Variants in OPCML observed in about 807,000 individuals in gnomAD.
OPCML encodes the protein opioid-binding protein/cell adhesion molecule.
OPCML carries 13 observed loss-of-function variants against 37.8 expected under a neutral mutation model. The observed-to-expected ratio is 0.34, with a 90% CI of 0.22 to 0.55. OPCML has a LOEUF of 0.55. Among genes scored for constraint, OPCML ranks in the 20% least tolerant of loss-of-function variants. The probability of loss-of-function intolerance (pLI) is 0.91; values close to 1 mark genes in which losing one functional copy is unlikely to be tolerated. For synonymous variants in OPCML, 176 were observed against 168.8 expected, an observed-to-expected ratio of 1.04 and a Z score of -0.33; for missense variants, 341 against 435.6, an observed-to-expected ratio of 0.78 and a Z score of 1.93.
intron 1 of OPCML, chr11:133,025,107 A>T (rs191408814): frequency 1.3e-6 from 1 of 747,198 alleles, no homozygotes; most frequent in Admixed American, 6.2e-5. Context: ...TTTCCTTCAT[A>T]GGGAGGAAAA....
intron 3 of OPCML, among the ~76,000 whole-genome samples, chr11:132,537,221 A>T (rs2096343185): frequency 6.6e-6 from 1 of 152,240 alleles, no homozygotes; most frequent in Non-Finnish European, 1.5e-5. Context: ...ACAATTAAAA[A>T]TCAGCATAAG....
At chr11:133,372,297 T>C (rs1364276278) in intron 1 of OPCML, among the ~76,000 whole-genome samples, 2 of 152,170 alleles carry the variant, frequency 1.3e-5, no homozygotes, top group Non-Finnish European at 1.5e-5. Context: ...CCCAATAAAT[T>C]TGTAAAATAT....
intron 7 of OPCML, among the ~76,000 whole-genome samples, chr11:132,422,751 G>A (rs944938838): frequency 2.0e-5 from 3 of 152,166 alleles, no homozygotes; most frequent in African/African-American, 4.8e-5. Context: ...ACCTTGAGCT[G>A]GATTAGAACC....
chr11:133,060,256 A>G (rs1007175297), intron 1 of OPCML, among the ~76,000 whole-genome samples: 1 of 147,308 alleles, frequency 6.8e-6, no homozygotes, highest in Non-Finnish European at 1.5e-5. Flanking sequence ...CACAGCTTCT[A>G]AGCTTCTAAT....
chr11:133,452,672 T>C (rs1392703107), intron 1 of OPCML, among the ~76,000 whole-genome samples: 2 of 151,596 alleles, frequency 1.3e-5, no homozygotes, highest in Admixed American at 6.6e-5. Context: ...TAAATAAAAG[T>C]AAATTAAAAA....
intron 2 of OPCML, among the ~76,000 whole-genome samples, chr11:132,685,933 A>C (rs1022279488): frequency 2.6e-5 from 4 of 152,184 alleles, no homozygotes; most frequent in African/African-American, 9.6e-5. Context: ...AAGGGATCCC[A>C]AAAGGAACAA....
chr11:132,911,143 A>C (rs991921612), intron 2 of OPCML, among the ~76,000 whole-genome samples: 1 of 152,332 alleles, frequency 6.6e-6, no homozygotes, highest in African/African-American at 2.4e-5. Context: ...TCCTTGCAAA[A>C]GTCTGCGTGT....
intron 3 of OPCML, among the ~76,000 whole-genome samples, chr11:132,534,081 A>G (rs965305242): frequency 2.0e-5 from 3 of 152,082 alleles, no homozygotes; most frequent in African/African-American, 7.2e-5. Flanking sequence ...CATCCTAGAG[A>G]TTGACATTTG....
chr11:133,412,052 G>A (rs1233690880), intron 1 of OPCML, among the ~76,000 whole-genome samples: 1 of 152,136 alleles, frequency 6.6e-6, no homozygotes, highest in Non-Finnish European at 1.5e-5. Context: ...GGAAACACGT[G>A]GCACATTCAA....
chr11:133,185,549 C>T (rs1328826640), intron 1 of OPCML, among the ~76,000 whole-genome samples: 1 of 152,104 alleles, frequency 6.6e-6, no homozygotes, highest in Non-Finnish European at 1.5e-5. Flanking sequence ...TTAGAGAACA[C>T]TTGAGCATAG....
Position 132,787,213 on chromosome 11 carries a change from T to C in OPCML, c.147-129894A>G, listed in dbSNP as rs572718973. ...ATGTACTCTAGCATCCACTGTGTAA[T>C]AATCAGATTGCACCCCAAATTCAAC... is the stretch of plus-strand genomic sequence containing the variant. On this transcript the variant is annotated intron_variant, in intron 2 of 7. Coordinates refer to ENST00000524381, the MANE Select transcript of OPCML (RefSeq NM_001012393.5). 2.0e-5 allele frequency among the ~76,000 whole-genome samples: 3 copies of C among 152,324 alleles called. No homozygotes were observed. In the South Asian group the frequency reaches 6.2e-4, roughly 32 times the overall value.
At chr11:132,595,207 T>C (rs2096490600) in intron 3 of OPCML, among the ~76,000 whole-genome samples, 1 of 150,336 alleles carries the variant, frequency 6.7e-6, no homozygotes, top group East Asian at 2.0e-4. Flanking sequence ...GAGGGGGAGG[T>C]CGGGGAGGTA....
intron 1 of OPCML, among the ~76,000 whole-genome samples, chr11:133,170,658 T>G (rs1228763728): frequency 6.6e-6 from 1 of 151,168 alleles, no homozygotes; most frequent in Admixed American, 6.6e-5. Flanking sequence ...GCATGAGACA[T>G]ATGTAATGTA....
chr11:132,657,081 A>C lies in OPCML; in HGVS notation c.379+6T>G, dbSNP rs1941743986. 6.2e-7 allele frequency: 1 copy of C among 1,613,348 alleles called. No individual in the cohort carries two copies. Among genetic ancestry groups the C allele is most frequent in the Non-Finnish European group, 8.5e-7 (1 of 1,179,384 alleles). ...AATGGCAACCCCAGATCCAGCTGGG[A>C]CTTACCTTGCACTATTAGGTGAACC... On this transcript the variant is annotated splice_donor_region_variant and intron_variant, in intron 3 of 7. Coordinates refer to ENST00000524381, the MANE Select transcript of OPCML (RefSeq NM_001012393.5).
chr11:133,283,012 T>C (rs1415317815), intron 1 of OPCML, among the ~76,000 whole-genome samples: 1 of 152,180 alleles, frequency 6.6e-6, no homozygotes, highest in Non-Finnish European at 1.5e-5. Context: ...TATAGGCTCA[T>C]AGGCAGAAGA....
chr11:133,243,856 G>A (rs936342139), intron 1 of OPCML, among the ~76,000 whole-genome samples: 1 of 152,238 alleles, frequency 6.6e-6, no homozygotes, highest in Non-Finnish European at 1.5e-5. Context: ...CATCCTATTT[G>A]GGGACCTCTT....
In OPCML at chr11:133,170,777, G is replaced by A. The variant is rs1476713734; in HGVS notation, c.62-227767C>T. 2.0e-5 allele frequency among the ~76,000 whole-genome samples: 3 copies of A among 152,184 alleles called. No homozygotes were observed. In the East Asian group the frequency reaches 5.8e-4, roughly 29 times the overall value. ...TACAAAGCCCCAACACTGGAAACAG[G>A]AAAGGTCTACCTGGAGCCACAGCCC... On this transcript the variant is annotated intron_variant, in intron 1 of 7. Coordinates refer to ENST00000524381, the MANE Select transcript of OPCML (RefSeq NM_001012393.5).
chr11:132,942,475 C>T (rs1173191263), intron 2 of OPCML, among the ~76,000 whole-genome samples: 1 of 152,184 alleles, frequency 6.6e-6, no homozygotes, highest in Non-Finnish European at 1.5e-5. Context: ...ACTGGTAATT[C>T]CACAGCCTCA....
intron 2 of OPCML, among the ~76,000 whole-genome samples, chr11:132,770,983 C>T (rs866171705): frequency 5.1e-4 from 78 of 152,192 alleles, no homozygotes; most frequent in African/African-American, 1.7e-3. Context: ...GCAGCCCTCA[C>T]TGTAGCTGGC....
Sources: allele counts gnomAD v4.1 joint callset (sites outside exome capture counted in the v4.1 genomes callset), GRCh38; gene constraint gnomAD v4.1.1; transcripts MANE v1.5; gene names NCBI Gene and HGNC (gene_info 2026-07-23, HGNC 2026-07-21).